SFSWAP: variants seen among roughly 807,000 people sequenced by gnomAD.
SFSWAP encodes the protein splicing factor SWAP.
In SFSWAP, 17 loss-of-function variants were observed where a neutral mutation model predicts 100.7. The observed-to-expected ratio is 0.17, with a 90% CI of 0.12 to 0.25. SFSWAP has a LOEUF of 0.25. Among genes scored for constraint, SFSWAP ranks in the 10% least tolerant of loss-of-function variants. SFSWAP has a pLI of 1.00. For missense variants in SFSWAP, 1,005 were observed against 1,262.6 expected, an observed-to-expected ratio of 0.80 and a Z score of 3.09; for synonymous variants, 504 against 510.1, an observed-to-expected ratio of 0.99 and a Z score of 0.16.
chr12:131,721,967 T>C (rs564522285), intron 4 of SFSWAP, among the ~76,000 whole-genome samples: 2 of 152,374 alleles, frequency 1.3e-5, no homozygotes, highest in Admixed American at 6.5e-5. Flanking sequence ...AGTAATTCAT[T>C]GTGTAAATTA....
intron 13 of SFSWAP, among the ~76,000 whole-genome samples, chr12:131,777,239 C>T (rs1226779088): frequency 6.6e-6 from 1 of 152,004 alleles, no homozygotes; most frequent in Non-Finnish European, 1.5e-5. Context: ...TGTGCTGCAC[C>T]CATTAACTCA....
chr12:131,737,183 G>A (rs539397036), intron 7 of SFSWAP, among the ~76,000 whole-genome samples: 30 of 152,304 alleles, frequency 2.0e-4, no homozygotes, highest in Middle Eastern at 3.4e-3. Flanking sequence ...GCCACCCACC[G>A]GAATGGCTCT....
intron 7 of SFSWAP, among the ~76,000 whole-genome samples, chr12:131,728,760 A>T (rs1240686219): frequency 6.9e-6 from 1 of 145,038 alleles, no homozygotes; most frequent in African/African-American, 2.6e-5. Flanking sequence ...GAGTGCAGGG[A>T]TGCAAGCATG....
intron 7 of SFSWAP, among the ~76,000 whole-genome samples, chr12:131,743,262 A>G (rs1419976706): frequency 1.3e-5 from 2 of 152,184 alleles, no homozygotes; most frequent in Admixed American, 6.5e-5. Context: ...CATTAACTCA[A>G]AGTCCACAGT....
chr12:131,725,682 G>A lies in SFSWAP; in HGVS notation c.832+52G>A. Reference sequence around the variant, plus strand: ...CAGACTTTGGGCCTGTGTTGTGGGGGCGGCAGGCTGGGTGGTTCTGGGAAA... The same window carrying A: ...CAGACTTTGGGCCTGTGTTGTGGGGACGGCAGGCTGGGTGGTTCTGGGAAA... On this transcript the variant is annotated intron_variant, in intron 5 of 17. Coordinates refer to ENST00000261674, the MANE Select transcript of SFSWAP (RefSeq NM_004592.4). This position sits in a 1 kb window ranked among gnomAD's most constrained non-coding sequence, Gnocchi z 4.3. 1 of 1,388,514 alleles carries A rather than the reference G, an allele frequency of 7.2e-7. No homozygotes were observed. The highest frequency in any genetic ancestry group is 1.0e-6 in the Non-Finnish European group (1 of 991,054). 86.0% of individuals were successfully genotyped at this position (1,388,514 alleles called of 1,614,324 possible).
At chr12:131,728,151 G>A (rs948241521) in intron 6 of SFSWAP, 142 bp from the exon 7 acceptor site, 30 of 894,312 alleles carry the variant, frequency 3.4e-5, no homozygotes, top group East Asian at 2.0e-4. Flanking sequence ...GCCACAACTC[G>A]TTAGGACCTC....
intron 14 of SFSWAP, chr12:131,785,410 T>C (rs1268310285): frequency 1.7e-5 from 9 of 517,670 alleles, no homozygotes; most frequent in African/African-American, 1.3e-4. Flanking sequence ...TTTATTGTCA[T>C]GAAAATGATT....
Position 131,727,043 on chromosome 12 carries a change from G to C in SFSWAP, c.936G>C (p.Glu312Asp). The change falls in exon 6 of 18, where the codon GAG becomes GAC. Residue 312 changes from glutamate (E) to aspartate (D), a missense_variant. Physicochemically the swap from Glu to Asp is conservative, Grantham distance 45. This residue lies in a region of SFSWAP where 22 missense variants were observed against 52.6 expected (regional missense o/e 0.42). Transcript: ENST00000261674. ...FASKKCNRLE[E>D]LMKPLKVVDP... Reference sequence around the variant, plus strand: ...CCAAGAAGTGTAACCGCCTTGAAGAGCTGATGAAGGTTTTTATCTCATTGT... The same window carrying C: ...CCAAGAAGTGTAACCGCCTTGAAGACCTGATGAAGGTTTTTATCTCATTGT... 1 of 1,572,804 alleles carries C rather than the reference G, an allele frequency of 6.4e-7. No homozygotes were observed. The highest frequency in any genetic ancestry group is 8.7e-7 in the Non-Finnish European group (1 of 1,146,540).
At chr12:131,748,874 A>G (rs560777812) in intron 7 of SFSWAP, among the ~76,000 whole-genome samples, 1 of 152,356 alleles carries the variant, frequency 6.6e-6, no homozygotes, top group Non-Finnish European at 1.5e-5. Context: ...CGTAGTACTC[A>G]TAGCGTTTAT....
Position 131,719,491 on chromosome 12 carries a change from G to C in SFSWAP, c.558G>C (p.Glu186Asp). Residue 186 changes from glutamate (E) to aspartate (D), a missense_variant, in exon 4 of 18, where the codon GAG becomes GAC. Glu to Asp is a conservative substitution (Grantham distance 45). This residue lies in a region of SFSWAP where 237 missense variants were observed against 337.0 expected (regional missense o/e 0.70). Coordinates refer to ENST00000261674, the MANE Select transcript of SFSWAP (RefSeq NM_004592.4). ...NEAENLEENE[E>D]PFVAPLGLSV... Reference sequence around the variant, plus strand: ...CCGAAAATTTAGAGGAAAATGAAGAGCCCTTCGTTGCCCCCTTAGGATTGA... The same window carrying C: ...CCGAAAATTTAGAGGAAAATGAAGACCCCTTCGTTGCCCCCTTAGGATTGA... 2 of 1,614,156 alleles carry C rather than the reference G, an allele frequency of 1.2e-6. No individual in the cohort carries two copies. Among genetic ancestry groups the C allele is most frequent in the South Asian group, 2.2e-5 (2 of 91,076 alleles).
chr12:131,755,524 C>T, intron 10 of SFSWAP, 45 bp downstream of exon 10: 1 of 1,373,972 alleles, frequency 7.3e-7, no homozygotes, highest in Non-Finnish European at 1.0e-6. Context: ...TTAGAGGTGG[C>T]TCCGCCTTCC....
In SFSWAP at chr12:131,778,173, G is replaced by C. The variant is rs373491025; in HGVS notation, c.2251G>C (p.Glu751Gln). ...PSSKSKDPPR[E>Q]EEKEKKKKKH... is the part of the protein sequence containing the mutation. The stretch of plus-strand genomic sequence containing the variant: ...GAGCAAAAGCAAAGATCCACCGAGA[G>C]AAGAAGAGAAAGAAAAGAAAAAGAA... Residue 751 changes from glutamate to glutamine, a missense_variant, in exon 14 of 18, where the codon GAA (glutamate) becomes CAA (glutamine). Transcript: ENST00000261674. This position sits in a 1 kb window ranked among gnomAD's most constrained non-coding sequence, Gnocchi z 4.2. 9.9e-6 allele frequency: 16 copies of C among 1,613,434 alleles called. No individual in the cohort carries two copies. In the African/African-American group the frequency reaches 2.1e-4, roughly 22 times the overall value.
Position 131,711,100 on chromosome 12 carries a change from C to T in SFSWAP, c.-130C>T. ...AGCTGCCCCTCCACCATTTTGTGGCCCGCTATGGCGGCGGTGTTGAGGTTG... is the reference window on the plus strand; with the variant it reads ...AGCTGCCCCTCCACCATTTTGTGGCTCGCTATGGCGGCGGTGTTGAGGTTG... On this transcript the variant is annotated 5_prime_UTR_variant, in exon 1 of 18. Transcript: ENST00000261674. This position sits in a 1 kb window ranked among gnomAD's most constrained non-coding sequence, Gnocchi z 4.9. 2 of 733,466 alleles carry T rather than the reference C, an allele frequency of 2.7e-6. No individual in the cohort carries two copies. Among genetic ancestry groups the T allele is most frequent in the East Asian group, 5.6e-5 (2 of 35,830 alleles). 45.4% of individuals were successfully genotyped at this position (733,466 alleles called of 1,614,324 possible). A position where few individuals can be genotyped will look rare whatever the true frequency, so the allele number is the denominator to read the frequency against.
At chr12:131,719,365 C>G (rs1249450638) in intron 3 of SFSWAP, 89 bp from the exon 4 acceptor site, 3 of 878,274 alleles carry the variant, frequency 3.4e-6, no homozygotes, top group Non-Finnish European at 5.7e-6. Context: ...CAGGGACAGC[C>G]AGTCACATGC....
At chr12:131,740,932 C>G (rs1177853960) in intron 7 of SFSWAP, among the ~76,000 whole-genome samples, 1 of 146,982 alleles carries the variant, frequency 6.8e-6, no homozygotes, top group Non-Finnish European at 1.5e-5. Flanking sequence ...TTGATGGATA[C>G]GAGGCTTTTC....
rs377548952 is a variant in SFSWAP, at chr12:131,753,274, C to T, written c.1233C>T (p.Thr411=). The T allele has an allele frequency of 2.8e-5, 45 of 1,613,592 alleles. No homozygotes were observed. The Admixed American group carries it at 2.8e-4, about 10-fold the overall frequency. ...CTAACTCCCCTGGAGTGACGACCAC[C>T]GCCCCACCACCTCCTGGGACCACAC... ...TVSNSPGVTT[T]APPPPGTTPL... Residue 411 remains threonine (T), a synonymous_variant, in exon 8 of 18, where the codon ACC becomes ACT. Coordinates refer to ENST00000261674, the MANE Select transcript of SFSWAP (RefSeq NM_004592.4).
At chr12:131,761,848 T>A in intron 11 of SFSWAP, among the ~76,000 whole-genome samples, 1 of 152,206 alleles carries the variant, frequency 6.6e-6, no homozygotes, top group Admixed American at 6.5e-5. Flanking sequence ...ATGGGAAGCC[T>A]CTCAGTGTCC....
At chr12:131,799,143 T>C in intron 17 of SFSWAP, 34 bp downstream of exon 17, 1 of 1,536,968 alleles carries the variant, frequency 6.5e-7, no homozygotes, top group Non-Finnish European at 9.0e-7. Context: ...GCTCCCAGCC[T>C]TTCATCAAGG....
Position 131,724,229 on chromosome 12 carries a change from T to C in SFSWAP, c.607-1176T>C, listed in dbSNP as rs1435568115. ...TGGATCAACAAGTTGGTTTGGTCAA[T>C]AAAGAAAGCCTAAACTGGGCCAGTA... is the stretch of plus-strand genomic sequence containing the variant. On this transcript the variant is annotated intron_variant, in intron 4 of 17. Coordinates refer to ENST00000261674, the MANE Select transcript of SFSWAP (RefSeq NM_004592.4). 2.0e-5 allele frequency among the ~76,000 whole-genome samples: 3 copies of C among 152,290 alleles called. No individual in the cohort carries two copies. In the East Asian group the frequency reaches 5.8e-4, roughly 29 times the overall value.
Sources: allele counts gnomAD v4.1 joint callset (sites outside exome capture counted in the v4.1 genomes callset), GRCh38; gene constraint gnomAD v4.1.1; regional missense constraint gnomAD v4.1.1; non-coding constraint Gnocchi (gnomAD v3.1); transcripts MANE v1.5; gene names NCBI Gene and HGNC (gene_info 2026-07-23, HGNC 2026-07-21).